NKAIN2: variants seen among roughly 807,000 people sequenced by gnomAD.
The protein encoded by NKAIN2 is sodium/potassium transporting ATPase interacting 2, also known as sodium/potassium-transporting ATPase subunit beta-1-interacting protein 2.
NKAIN2 carries 14 observed loss-of-function variants against 32.6 expected under a neutral mutation model. The ratio of observed to expected loss-of-function variants is 0.43; its 90% CI spans 0.28 to 0.67. The LOEUF (loss-of-function observed/expected upper bound fraction) is 0.67. NKAIN2 is among the 30% of genes least tolerant of loss of function. The pLI, the probability that NKAIN2 is intolerant of heterozygous loss-of-function variation, is 0.17. For synonymous variants in NKAIN2, 80 were observed against 87.2 expected, an observed-to-expected ratio of 0.92 and a Z score of 0.46; for missense variants, 198 against 258.3, an observed-to-expected ratio of 0.77 and a Z score of 1.60.
chr6:123,833,128 TG>T (rs1339823417), intron 1 of NKAIN2, among the ~76,000 whole-genome samples: 2 of 152,182 alleles, frequency 1.3e-5, no homozygotes, highest in Non-Finnish European at 2.9e-5. Flanking sequence ...TTGTGAAAGG[TG>T]TAAGGTTTGT....
At chr6:124,664,069 G>A (rs904785131) in intron 4 of NKAIN2, among the ~76,000 whole-genome samples, 3 of 152,054 alleles carry the variant, frequency 2.0e-5, no homozygotes, top group African/African-American at 7.2e-5. Flanking sequence ...GAGGTCAGGA[G>A]TTTGAAAGCA....
At chr6:124,608,216 G>T (rs1481202734) in intron 3 of NKAIN2, among the ~76,000 whole-genome samples, 1 of 152,038 alleles carries the variant, frequency 6.6e-6, no homozygotes, top group East Asian at 1.9e-4. Flanking sequence ...TACCCATGTT[G>T]TTTGTTTTTC....
At chr6:124,638,771 GT>G (rs1783870819) in intron 3 of NKAIN2, among the ~76,000 whole-genome samples, 1 of 150,776 alleles carries the variant, frequency 6.6e-6, no homozygotes, top group Admixed American at 6.6e-5. Context: ...GACGCCTGTA[GT>G]CCCAGCTACT....
chr6:124,345,249 T>C (rs998973494), intron 2 of NKAIN2, among the ~76,000 whole-genome samples: 1 of 152,250 alleles, frequency 6.6e-6, no homozygotes, highest in South Asian at 2.1e-4. Flanking sequence ...ATTTTATTGA[T>C]GATTTTTGCA....
At chr6:123,984,062 C>T (rs1333814451) in intron 1 of NKAIN2, among the ~76,000 whole-genome samples, 1 of 152,076 alleles carries the variant, frequency 6.6e-6, no homozygotes, top group African/African-American at 2.4e-5. Context: ...CATGTGCCAC[C>T]ACACCCGGCT....
chr6:124,115,854 A>G (rs1785584960), intron 1 of NKAIN2, among the ~76,000 whole-genome samples: 1 of 152,054 alleles, frequency 6.6e-6, no homozygotes, highest in Admixed American at 6.6e-5. Flanking sequence ...ATGTATAGTG[A>G]TATGTAGCAA....
chr6:124,546,912 T>G (rs908662722), intron 3 of NKAIN2, among the ~76,000 whole-genome samples: 1 of 152,178 alleles, frequency 6.6e-6, no homozygotes, highest in Non-Finnish European at 1.5e-5. Context: ...GAAAACATGT[T>G]CTCAGCATCA....
chr6:124,777,087 GTA>G (rs1779012900), intron 4 of NKAIN2, among the ~76,000 whole-genome samples: 1 of 152,032 alleles, frequency 6.6e-6, no homozygotes, highest in Non-Finnish European at 1.5e-5. Flanking sequence ...AGATTTTTTA[GTA>G]TTTTCTAAAG....
intron 1 of NKAIN2, among the ~76,000 whole-genome samples, chr6:124,117,956 TAAAC>T (rs534677623): frequency 1.1e-4 from 16 of 151,314 alleles, no homozygotes; most frequent in African/African-American, 3.6e-4. Context: ...GTTTGCTAAC[TAAAC>T]TAAGGAAATC....
chr6:124,803,167 T>G (rs1031360447), intron 5 of NKAIN2, among the ~76,000 whole-genome samples: 2 of 152,190 alleles, frequency 1.3e-5, no homozygotes, highest in African/African-American at 4.8e-5. Flanking sequence ...CTTTCCAGGA[T>G]CCTTAAACCA....
chr6:124,033,270 A>C (rs1423669426), intron 1 of NKAIN2, among the ~76,000 whole-genome samples: 2 of 152,164 alleles, frequency 1.3e-5, no homozygotes, highest in Non-Finnish European at 2.9e-5. Context: ...ATTGTGTTGC[A>C]TTAATGCCTT....
chr6:124,500,757 C>T (rs973452675), intron 3 of NKAIN2, among the ~76,000 whole-genome samples: 2 of 151,886 alleles, frequency 1.3e-5, no homozygotes, highest in East Asian at 1.9e-4. Flanking sequence ...TGTATAGTCA[C>T]GTGCTGGATT....
intron 3 of NKAIN2, among the ~76,000 whole-genome samples, chr6:124,566,807 C>T (rs891522055): frequency 8.5e-5 from 13 of 152,152 alleles, no homozygotes; most frequent in Non-Finnish European, 1.3e-4. Flanking sequence ...GTATTTCACA[C>T]ACACACACAA....
intron 2 of NKAIN2, among the ~76,000 whole-genome samples, chr6:124,307,949 C>A (rs369121619): frequency 6.6e-6 from 1 of 152,022 alleles, no homozygotes; most frequent in Non-Finnish European, 1.5e-5. Flanking sequence ...CTGAAAGCAA[C>A]TAATTCCCCA....
At chr6:124,582,798 G>A (rs898472475) in intron 3 of NKAIN2, among the ~76,000 whole-genome samples, 2 of 152,088 alleles carry the variant, frequency 1.3e-5, no homozygotes, top group African/African-American at 4.8e-5. Context: ...TTATCCCAGG[G>A]ATGCAAAAAT....
intron 1 of NKAIN2, among the ~76,000 whole-genome samples, chr6:124,225,274 G>C (rs1792047416): frequency 6.6e-6 from 1 of 151,856 alleles, no homozygotes; most frequent in Non-Finnish European, 1.5e-5. Flanking sequence ...TAAAATTGTA[G>C]CAAAATTAAA....
At chr6:124,535,316 CTGGTTGAT>C (rs1779675034) in intron 3 of NKAIN2, among the ~76,000 whole-genome samples, 1 of 152,186 alleles carries the variant, frequency 6.6e-6, no homozygotes, top group South Asian at 2.1e-4. Flanking sequence ...GAGAAAAAGA[CTGGTTGAT>C]TGGCTCACTA....
At chr6:124,582,521 T>TA (rs947169942) in intron 3 of NKAIN2, among the ~76,000 whole-genome samples, 8 of 152,254 alleles carry the variant, frequency 5.3e-5, no homozygotes, top group African/African-American at 1.9e-4. Context: ...TGCTGAATTT[T>TA]ACCAAACATT....
intron 1 of NKAIN2, among the ~76,000 whole-genome samples, chr6:123,847,517 T>C (rs1391539064): frequency 2.0e-5 from 3 of 152,286 alleles, no homozygotes; most frequent in Middle Eastern, 6.8e-3. Context: ...AAATGGAAGA[T>C]GGATGTCTTA....
Sources: gnomAD v4.1 joint callset for allele counts (sites outside exome capture counted in the v4.1 genomes callset) on GRCh38, gnomAD v4.1.1 for gene constraint, MANE v1.5 for transcripts, NCBI Gene and HGNC (gene_info 2026-07-23, HGNC 2026-07-21) for gene names.